Variants in DPP6 observed in about 807,000 individuals in gnomAD.
The protein encoded by DPP6 is dipeptidyl peptidase like 6, also known as A-type potassium channel modulatory protein DPP6.
Under a neutral mutation model 122.6 loss-of-function variants are expected in DPP6, and 69 were observed. The observed-to-expected ratio is 0.56, with a 90% CI of 0.46 to 0.69. The LOEUF is 0.69. Among genes scored for constraint, DPP6 ranks in the 30% least tolerant of loss-of-function variants. The pLI is 0.00. For synonymous variants in DPP6, 418 were observed against 433.1 expected, an observed-to-expected ratio of 0.97 and a Z score of 0.43; for missense variants, 928 against 1,116.9, an observed-to-expected ratio of 0.83 and a Z score of 2.41.
intron 1 of DPP6, among the ~76,000 whole-genome samples, chr7:153,926,266 T>G (rs1315554815): frequency 1.3e-5 from 2 of 152,254 alleles, no homozygotes; most frequent in Non-Finnish European, 2.9e-5. Flanking sequence ...CATCGAAGTT[T>G]AAATTGTCTC....
At chr7:154,166,138 G>A (rs1216390681) in intron 1 of DPP6, among the ~76,000 whole-genome samples, 6 of 152,018 alleles carry the variant, frequency 3.9e-5, no homozygotes, top group Non-Finnish European at 7.4e-5. Flanking sequence ...TAATTACAGC[G>A]TTATTAAACT....
intron 1 of DPP6, among the ~76,000 whole-genome samples, chr7:153,992,067 A>G (rs2533602): frequency 2.6e-5 from 4 of 152,192 alleles, no homozygotes; most frequent in Non-Finnish European, 5.9e-5. Context: ...AATACATTAA[A>G]TGCATTTATA....
chr7:154,287,976 G>A (rs966208735), intron 1 of DPP6, among the ~76,000 whole-genome samples: 4 of 152,142 alleles, frequency 2.6e-5, no homozygotes, highest in Admixed American at 6.5e-5. Context: ...AAATAAGTCC[G>A]GTAAAAATGG....
rs1381816326 is a variant in DPP6 at position 154,196,684 on chromosome 7, A to AT, written c.243+143621_243+143622insT. Among the ~76,000 whole-genome samples the AT allele has an allele frequency of 2.6e-5, 4 of 152,266 alleles. No individual in the cohort carries two copies. The East Asian group carries it at 7.8e-4, about 30-fold the overall frequency. ...TCCCTGGCCATGAGCCAGTTGCCCC[A>AT]AAGGCATTTGACTTAGATTAACCTG... is the stretch of plus-strand genomic sequence containing the variant. On this transcript the variant is annotated intron_variant, in intron 1 of 25. Coordinates refer to ENST00000377770, the MANE Select transcript of DPP6 (RefSeq NM_130797.4).
chr7:153,944,627 A>G (rs1484582266), intron 1 of DPP6, among the ~76,000 whole-genome samples: 8 of 150,000 alleles, frequency 5.3e-5, no homozygotes, highest in African/African-American at 1.7e-4. Context: ...TGCAGGCCAT[A>G]ACTAGGAGGG....
chr7:154,459,818 A>AT (rs1290996918), intron 2 of DPP6, among the ~76,000 whole-genome samples: 1 of 150,340 alleles, frequency 6.7e-6, no homozygotes, highest in Non-Finnish European at 1.5e-5. Context: ...AAAAAAAAAA[A>AT]AAAAAAGAAA....
At chr7:154,232,540 C>G (rs950618361) in intron 1 of DPP6, among the ~76,000 whole-genome samples, 1 of 152,184 alleles carries the variant, frequency 6.6e-6, no homozygotes, top group African/African-American at 2.4e-5. Context: ...CTCTTACCTT[C>G]CATGAGGTTG....
chr7:154,611,758 C>T (rs1264877630), intron 5 of DPP6, among the ~76,000 whole-genome samples: 1 of 152,018 alleles, frequency 6.6e-6, no homozygotes, highest in African/African-American at 2.4e-5. Flanking sequence ...CCCAGCTTCC[C>T]CTAAAGTTAA....
intron 1 of DPP6, among the ~76,000 whole-genome samples, chr7:154,088,416 G>A (rs565723470): frequency 8.1e-5 from 12 of 147,322 alleles, no homozygotes; most frequent in East Asian, 3.9e-4. Flanking sequence ...CATCTTCAAG[G>A]GTTATTGGCT....
intron 2 of DPP6, among the ~76,000 whole-genome samples, chr7:154,465,167 T>C (rs1372404011): frequency 6.6e-6 from 1 of 152,204 alleles, no homozygotes; most frequent in Non-Finnish European, 1.5e-5. Flanking sequence ...GGGCCTACTG[T>C]AAGTAAGTTT....
At chr7:153,904,897 C>T (rs1799786534) in intron 1 of DPP6, among the ~76,000 whole-genome samples, 1 of 152,216 alleles carries the variant, frequency 6.6e-6, no homozygotes, top group South Asian at 2.1e-4. Context: ...CAGTTTTACA[C>T]AGGAGCTTTC....
chr7:154,732,624 G>T (rs1051719439), intron 8 of DPP6, among the ~76,000 whole-genome samples: 1 of 152,160 alleles, frequency 6.6e-6, no homozygotes, highest in African/African-American at 2.4e-5. Flanking sequence ...GCTCAGCCTG[G>T]AGTCATCAGC....
chr7:154,396,900 G>A (rs1370256305), intron 1 of DPP6, among the ~76,000 whole-genome samples: 2 of 152,266 alleles, frequency 1.3e-5, no homozygotes, highest in African/African-American at 2.4e-5. Flanking sequence ...AGCTGGGATC[G>A]CGCCACTGCG....
At chr7:154,149,633 T>C (rs1796310410) in intron 1 of DPP6, among the ~76,000 whole-genome samples, 1 of 151,594 alleles carries the variant, frequency 6.6e-6, no homozygotes, top group Non-Finnish European at 1.5e-5. Flanking sequence ...ATCATGCTTC[T>C]GGCATTTGGA....
chr7:154,368,014 G>A (rs2151112811), intron 1 of DPP6, among the ~76,000 whole-genome samples: 1 of 152,190 alleles, frequency 6.6e-6, no homozygotes, highest in East Asian at 1.9e-4. Context: ...TACCATGTTG[G>A]CCAGGCTGGT....
chr7:154,871,093 A>C (rs1584944040), intron 18 of DPP6, among the ~76,000 whole-genome samples: 1 of 151,508 alleles, frequency 6.6e-6, no homozygotes, highest in Non-Finnish European at 1.5e-5. Context: ...CCAGACTGTC[A>C]CCCTGGCAAG....
the DPP6 span, among the ~76,000 whole-genome samples, chr7:153,834,077 AG>A: frequency 6.6e-6 from 1 of 152,138 alleles, no homozygotes; most frequent in Non-Finnish European, 1.5e-5. Context: ...ACCTTAAGTC[AG>A]GAATTCAAGA....
intron 1 of DPP6, among the ~76,000 whole-genome samples, chr7:153,934,336 TCTC>T (rs763480477): frequency 1.9e-4 from 29 of 151,510 alleles, no homozygotes; most frequent in Non-Finnish European, 1.3e-4. Flanking sequence ...AAGCGCCCCT[TCTC>T]CTTTTTTTTT....
rs188214123 is a variant in DPP6 at position 154,628,084 on chromosome 7, C to T, written c.628-9737C>T. Among the ~76,000 whole-genome samples, 236 of 152,244 alleles carry T rather than the reference C, an allele frequency of 1.6e-3. 5 individuals carry two copies. Among genetic ancestry groups the T allele is most frequent in the Admixed American group, 0.015 (230 of 15,280 alleles). ...GCCTGGGAGCTGCAGGGTTTCTGAG[C>T]GGGAAGGAATGTTAGTGGTTGCTGG... On this transcript the variant is annotated intron_variant, in intron 5 of 25. Coordinates refer to ENST00000377770, the MANE Select transcript of DPP6 (RefSeq NM_130797.4).
Sources: allele counts gnomAD v4.1 joint callset (sites outside exome capture counted in the v4.1 genomes callset), GRCh38; gene constraint gnomAD v4.1.1; transcripts MANE v1.5; gene names NCBI Gene and HGNC (gene_info 2026-07-23, HGNC 2026-07-21).